TSPAN9: variants seen among roughly 807,000 people sequenced by gnomAD.
TSPAN9 encodes the protein tetraspanin 9.
TSPAN9 carries 16 observed loss-of-function variants against 31.0 expected under a neutral mutation model. The ratio of observed to expected loss-of-function variants is 0.52; its 90% CI spans 0.35 to 0.78. The LOEUF is 0.78. Ranked by LOEUF, TSPAN9 falls within the 30% of genes least tolerant of loss-of-function variation. The pLI is 0.01. For synonymous variants in TSPAN9, 145 were observed against 121.6 expected, an observed-to-expected ratio of 1.19 and a Z score of -1.27; for missense variants, 272 against 312.5, an observed-to-expected ratio of 0.87 and a Z score of 0.98.
intron 3 of TSPAN9, among the ~76,000 whole-genome samples, chr12:3,269,037 C>T (rs373203611): frequency 0.14 from 3,329 of 24,532 alleles, 6 homozygotes; most frequent in East Asian, 0.22. Flanking sequence ...GCCTGCCCTC[C>T]CTGTGTTCCT....
chr12:3,121,948 G>A (rs563300014), intron 2 of TSPAN9, among the ~76,000 whole-genome samples: 2 of 152,218 alleles, frequency 1.3e-5, no homozygotes, highest in East Asian at 1.9e-4. Flanking sequence ...GTTAGGGACA[G>A]TGTTCCAGCT....
chr12:3,112,730 G>A (rs1319902058), intron 2 of TSPAN9, among the ~76,000 whole-genome samples: 1 of 136,778 alleles, frequency 7.3e-6, no homozygotes, highest in Non-Finnish European at 1.5e-5. Context: ...CCAGGCTGGA[G>A]TGCAGTGAGT....
chr12:3,198,676 C>CCACCACCAGCACAGGT lies in TSPAN9; in HGVS notation c.-17-2485_-17-2470dup, dbSNP rs1565610497. On this transcript the variant is annotated intron_variant, in intron 2 of 8. Transcript: ENST00000011898. ...CAGCACAGCTCACCACCAGCACAGG[C>CCACCACCAGCACAGGT]CACCACCAGCACAGGTCACCACCAG... Among the ~76,000 whole-genome samples the CCACCACCAGCACAGGT allele has an allele frequency of 2.8e-3, 217 of 77,356 alleles. 8 individuals carry two copies. The highest frequency in any genetic ancestry group is 3.3e-3 in the African/African-American group (49 of 14,768). 50.7% of individuals were successfully genotyped at this position (77,356 alleles called of 152,430 possible).
chr12:3,097,117 A>G (rs550131726), intron 2 of TSPAN9, among the ~76,000 whole-genome samples: 10 of 152,126 alleles, frequency 6.6e-5, no homozygotes, highest in Non-Finnish European at 1.3e-4. Flanking sequence ...GAGGATACTG[A>G]GGCTGGCTTT....
rs77679943 is a variant in TSPAN9 at position 3,168,252 on chromosome 12, G to A, written c.-17-32925G>A. Among the ~76,000 whole-genome samples, 1 of 152,202 alleles carries A rather than the reference G, an allele frequency of 6.6e-6. No individual in the cohort carries two copies. The highest frequency in any genetic ancestry group is 2.4e-5 in the African/African-American group (1 of 41,444). On this transcript the variant is annotated intron_variant, in intron 2 of 8. Coordinates refer to ENST00000011898, the MANE Select transcript of TSPAN9 (RefSeq NM_006675.5). This position sits in a 1 kb window ranked among gnomAD's most constrained non-coding sequence, Gnocchi z 4.0. ...ATCTTCATCCCTCTACACTGTGCCA[G>A]CTCTTTCCAGATGCTTCAAACCTTT...
Position 3,281,811 on chromosome 12 carries a change from C to T in TSPAN9, c.642C>T (p.Ile214=), listed in dbSNP as rs1240554268. Residue 214 remains isoleucine (I), a synonymous_variant, in exon 8 of 9, where the codon ATC becomes ATT. Coordinates refer to ENST00000011898, the MANE Select transcript of TSPAN9 (RefSeq NM_006675.5). ...GCACGGTGGGGATGTGCATCCTCAT[C>T]ATGCAGGTAAGAGGGGCGTCCCCAG... is the stretch of plus-strand genomic sequence containing the variant. ...VLGTVGMCIL[I]MQILGMAFSM... is the part of the protein sequence containing the mutation. The T allele has an allele frequency of 1.2e-6, 2 of 1,614,092 alleles. No homozygotes were observed. Among genetic ancestry groups the T allele is most frequent in the Non-Finnish European group, 1.7e-6 (2 of 1,180,002 alleles).
intron 2 of TSPAN9, among the ~76,000 whole-genome samples, chr12:3,176,075 C>G (rs1283866015): frequency 6.6e-6 from 1 of 152,248 alleles, no homozygotes; most frequent in Non-Finnish European, 1.5e-5. Context: ...TGCTCCCTAC[C>G]TGAAGTGGCT....
At chr12:3,227,162 C>A (rs1004157171) in intron 3 of TSPAN9, among the ~76,000 whole-genome samples, 3 of 152,000 alleles carry the variant, frequency 2.0e-5, no homozygotes, top group African/African-American at 7.2e-5. Context: ...CCACAGTGGG[C>A]AAATCCAAAT....
intron 2 of TSPAN9, among the ~76,000 whole-genome samples, chr12:3,138,911 C>T (rs1439140682): frequency 1.3e-5 from 2 of 152,202 alleles, no homozygotes; most frequent in Non-Finnish European, 2.9e-5. Flanking sequence ...TGTTCTCCGC[C>T]CCTCAGCCCG....
intron 2 of TSPAN9, among the ~76,000 whole-genome samples, chr12:3,133,000 C>A (rs2098330491): frequency 6.6e-6 from 1 of 152,228 alleles, no homozygotes; most frequent in Non-Finnish European, 1.5e-5. Flanking sequence ...TCCCCAACAC[C>A]AGCAAGCTTG....
intron 3 of TSPAN9, among the ~76,000 whole-genome samples, chr12:3,218,872 A>AG (rs889095787): frequency 1.3e-5 from 2 of 150,844 alleles, no homozygotes; most frequent in African/African-American, 4.9e-5. Context: ...TTTTTCCTTT[A>AG]CCCCCCGGCA....
chr12:3,194,411 A>G (rs565317473), intron 2 of TSPAN9, among the ~76,000 whole-genome samples: 1 of 152,176 alleles, frequency 6.6e-6, no homozygotes, highest in Non-Finnish European at 1.5e-5. Flanking sequence ...TTTTTGAGAT[A>G]GGGTCTCACT....
At chr12:3,239,049 A>G (rs1212162039) in intron 3 of TSPAN9, among the ~76,000 whole-genome samples, 1 of 152,114 alleles carries the variant, frequency 6.6e-6, no homozygotes, top group Non-Finnish European at 1.5e-5. Flanking sequence ...GCCCTGATTC[A>G]TCCCCTGATC....
chr12:3,079,992 G>A (rs1190682634), intron 1 of TSPAN9, among the ~76,000 whole-genome samples: 7 of 147,844 alleles, frequency 4.7e-5, no homozygotes, highest in Non-Finnish European at 8.9e-5. Flanking sequence ...ATGTTGCCCA[G>A]GCTGGTCTCT....
At chr12:3,225,506 T>C (rs1243218664) in intron 3 of TSPAN9, among the ~76,000 whole-genome samples, 2 of 152,124 alleles carry the variant, frequency 1.3e-5, no homozygotes, top group Admixed American at 6.5e-5. Flanking sequence ...GTCATGCACG[T>C]GCAGAAGCGC....
In TSPAN9 at chr12:3,242,941, T is replaced by G. The variant is rs904777561; in HGVS notation, c.64-35480T>G. 4.6e-5 allele frequency among the ~76,000 whole-genome samples: 7 copies of G among 152,208 alleles called. No individual in the cohort carries two copies. In the South Asian group the frequency reaches 1.4e-3, roughly 32 times the overall value. ...GCAGAAGTGATGTGTGGGCCTGTCA[T>G]AGAGGGACCCTGTGGCAGGGCATCC... On this transcript the variant is annotated intron_variant, in intron 3 of 8. Transcript: ENST00000011898.
chr12:3,228,192 A>G (rs1253645905), intron 3 of TSPAN9, among the ~76,000 whole-genome samples: 1 of 152,134 alleles, frequency 6.6e-6, no homozygotes, highest in Non-Finnish European at 1.5e-5. Flanking sequence ...CTACAAAAAA[A>G]TATAGAAAAA....
At chr12:3,121,466 C>A (rs1476807898) in intron 2 of TSPAN9, among the ~76,000 whole-genome samples, 3 of 148,098 alleles carry the variant, frequency 2.0e-5, no homozygotes, top group Non-Finnish European at 4.4e-5. Flanking sequence ...CTCAAGTGAT[C>A]CTCCCACCTC....
intron 2 of TSPAN9, among the ~76,000 whole-genome samples, chr12:3,086,948 C>T (rs184637920): frequency 6.6e-6 from 1 of 152,310 alleles, no homozygotes; most frequent in Non-Finnish European, 1.5e-5. Context: ...GAAACACACA[C>T]AGTCTGGTCC....
Sources: gnomAD v4.1 joint callset for allele counts (sites outside exome capture counted in the v4.1 genomes callset) on GRCh38, gnomAD v4.1.1 for gene constraint, Gnocchi (gnomAD v3.1) non-coding constraint, MANE v1.5 for transcripts, NCBI Gene and HGNC (gene_info 2026-07-23, HGNC 2026-07-21) for gene names.